Variants in TFCP2L1 observed in about 807,000 individuals in gnomAD.
TFCP2L1 encodes the protein transcription factor CP2-like protein 1.
TFCP2L1 carries 12 observed loss-of-function variants against 72.2 expected under a neutral mutation model. The ratio of observed to expected loss-of-function variants is 0.17; its 90% CI spans 0.11 to 0.27. TFCP2L1 has a LOEUF of 0.27. TFCP2L1 is among the 10% of genes least tolerant of loss of function. TFCP2L1 has a pLI of 1.00. For synonymous variants in TFCP2L1, 260 were observed against 251.0 expected, an observed-to-expected ratio of 1.04 and a Z score of -0.34; for missense variants, 488 against 624.6, an observed-to-expected ratio of 0.78 and a Z score of 2.33.
intron 13 of TFCP2L1, among the ~76,000 whole-genome samples, chr2:121,227,257 T>C (rs780892009): frequency 1.4e-4 from 22 of 152,266 alleles, no homozygotes; most frequent in Non-Finnish European, 2.9e-4. Flanking sequence ...GGGCTTCTAA[T>C]GTAACATTCT....
chr2:121,250,032 A>G (rs1220391426), intron 2 of TFCP2L1, among the ~76,000 whole-genome samples: 1 of 152,098 alleles, frequency 6.6e-6, no homozygotes, highest in Non-Finnish European at 1.5e-5. Context: ...ATTACAGGGT[A>G]AATAACCAAC....
At chr2:121,238,039 T>C (rs141227222) in intron 8 of TFCP2L1, among the ~76,000 whole-genome samples, 189 bp from the exon 9 acceptor site, 242 of 152,282 alleles carry the variant, frequency 1.6e-3, no homozygotes, top group African/African-American at 5.4e-3. Flanking sequence ...TCAAAATCCC[T>C]AACTGAGCCT....
chr2:121,254,075 C>T (rs972604400), intron 2 of TFCP2L1, among the ~76,000 whole-genome samples: 11 of 152,172 alleles, frequency 7.2e-5, no homozygotes, highest in African/African-American at 2.7e-4. Flanking sequence ...CACTGCTGGG[C>T]GTGGGTGGAA....
chr2:121,243,409 C>T (rs1438667383), intron 6 of TFCP2L1, among the ~76,000 whole-genome samples: 1 of 152,222 alleles, frequency 6.6e-6, no homozygotes, highest in Admixed American at 6.5e-5. Context: ...TCTCTTACAG[C>T]AGTGGTCCTC....
intron 6 of TFCP2L1, 64 bp from the exon 7 acceptor site, chr2:121,242,533 C>T: frequency 3.3e-6 from 5 of 1,511,266 alleles, no homozygotes; most frequent in Non-Finnish European, 3.7e-6. Flanking sequence ...CCCAAGCCCT[C>T]TCCTGCTTCC....
Position 121,239,658 on chromosome 2 carries a change from G to C in TFCP2L1, c.769-9C>G. 6.2e-7 allele frequency: 1 copy of C among 1,613,260 alleles called. No individual in the cohort carries two copies. The highest frequency in any genetic ancestry group is 1.1e-5 in the South Asian group (1 of 90,988). ...TCGGGCCATGGAGAGCACTGCAGGA[G>C]AGAGCACAGGGCGAGCTGGGATCTG... On this transcript the variant is annotated splice_polypyrimidine_tract_variant and intron_variant, in intron 7 of 14. Transcript: ENST00000263707.
intron 10 of TFCP2L1, among the ~76,000 whole-genome samples, chr2:121,236,774 A>G (rs189472808): frequency 3.9e-5 from 6 of 152,194 alleles, no homozygotes; most frequent in Non-Finnish European, 7.4e-5. Context: ...AGGTGCCCAC[A>G]TGGTGGCTGA....
Position 121,219,475 on chromosome 2 carries a change from C to T in TFCP2L1, c.*4866G>A, listed in dbSNP as rs1573348101. 1 of 152,238 alleles carries T rather than the reference C, an allele frequency of 6.6e-6. No homozygotes were observed. Among genetic ancestry groups the T allele is most frequent in the South Asian group, 2.1e-4 (1 of 4,828 alleles). 9.4% of individuals were successfully genotyped at this position (152,238 alleles called of 1,614,324 possible). Reference sequence around the variant, plus strand: ...TAAGTTTGCGGAGGAAGTAGTCAGCCCAGTTAGGAGCTAGGGCTGATTCCC... The same window carrying T: ...TAAGTTTGCGGAGGAAGTAGTCAGCTCAGTTAGGAGCTAGGGCTGATTCCC... On this transcript the variant is annotated 3_prime_UTR_variant, in exon 15 of 15. Coordinates refer to ENST00000263707, the MANE Select transcript of TFCP2L1 (RefSeq NM_014553.3).
At position 121,285,178 on chromosome 2, in the gene TFCP2L1, A is replaced by C. The variant is rs569290100; in HGVS notation, c.-69T>G. The stretch of plus-strand genomic sequence containing the variant: ...CAGACGCGGGGCGCGCCGAGGACCC[A>C]GCGGCGGCTTCGCGCTCCGAACCCG... On this transcript the variant is annotated 5_prime_UTR_variant, in exon 1 of 15. Coordinates refer to ENST00000263707, the MANE Select transcript of TFCP2L1 (RefSeq NM_014553.3). 3 of 1,314,888 alleles carry C rather than the reference A, an allele frequency of 2.3e-6. No homozygotes were observed. The highest frequency in any genetic ancestry group is 4.0e-5 in the Admixed American group (1 of 25,264). 81.5% of individuals were successfully genotyped at this position (1,314,888 alleles called of 1,614,324 possible). A position where few individuals can be genotyped will look rare whatever the true frequency, so the allele number is the denominator to read the frequency against.
intron 13 of TFCP2L1, among the ~76,000 whole-genome samples, chr2:121,227,689 A>G (rs1032952100): frequency 5.4e-5 from 8 of 148,684 alleles, no homozygotes; most frequent in Non-Finnish European, 1.0e-4. Context: ...TCCAAATAAA[A>G]TAAAATAAAA....
intron 2 of TFCP2L1, among the ~76,000 whole-genome samples, chr2:121,274,162 C>A (rs939406558): frequency 2.0e-5 from 3 of 150,852 alleles, no homozygotes; most frequent in Non-Finnish European, 4.4e-5. Flanking sequence ...GAAGAATAAG[C>A]TACTTAAATG....
At chr2:121,224,493 A>C in intron 14 of TFCP2L1, 106 bp from the exon 15 acceptor site, 5 of 1,113,276 alleles carry the variant, frequency 4.5e-6, no homozygotes, top group Non-Finnish European at 6.7e-6. Context: ...AAAGACCACC[A>C]AAATAGGGCT....
intron 2 of TFCP2L1, among the ~76,000 whole-genome samples, chr2:121,263,629 T>TGG (rs1321705853): frequency 2.0e-5 from 3 of 152,208 alleles, no homozygotes; most frequent in Admixed American, 2.0e-4. Flanking sequence ...ATGCCAAGTG[T>TGG]GGAGACAGGT....
intron 2 of TFCP2L1, among the ~76,000 whole-genome samples, chr2:121,274,241 T>C (rs905849903): frequency 2.6e-5 from 4 of 152,168 alleles, no homozygotes; most frequent in African/African-American, 9.7e-5. Context: ...TGCCTATTTT[T>C]AGATTTTCTA....
intron 13 of TFCP2L1, among the ~76,000 whole-genome samples, chr2:121,230,400 G>C (rs2104664378): frequency 6.6e-6 from 1 of 152,208 alleles, no homozygotes; most frequent in Middle Eastern, 3.4e-3. Flanking sequence ...TCAAACTTCT[G>C]ACCTCAGGTG....
intron 2 of TFCP2L1, among the ~76,000 whole-genome samples, chr2:121,251,413 T>C (rs555601594): frequency 1.4e-4 from 22 of 152,230 alleles, no homozygotes; most frequent in Non-Finnish European, 3.1e-4. Context: ...TCTGTAGGCT[T>C]GTATGTGTAT....
At chr2:121,267,468 G>A (rs1686953540) in intron 2 of TFCP2L1, among the ~76,000 whole-genome samples, 1 of 151,730 alleles carries the variant, frequency 6.6e-6, no homozygotes, top group African/African-American at 2.4e-5. Flanking sequence ...AGTTTGACAC[G>A]ACCATGTAGA....
At chr2:121,235,399 G>A in intron 10 of TFCP2L1, 88 bp from the exon 11 acceptor site, 1 of 1,276,928 alleles carries the variant, frequency 7.8e-7, no homozygotes, top group Non-Finnish European at 1.1e-6. Flanking sequence ...CATAGCACTG[G>A]GGGTGGGGGG....
intron 11 of TFCP2L1, among the ~76,000 whole-genome samples, chr2:121,234,792 T>C (rs1573362003): frequency 6.6e-6 from 1 of 152,244 alleles, no homozygotes; most frequent in Middle Eastern, 3.2e-3. Context: ...CAGGAAGGTG[T>C]GCAGGACGGC....
Sources: gnomAD v4.1 joint callset for allele counts (sites outside exome capture counted in the v4.1 genomes callset) on GRCh38, gnomAD v4.1.1 for gene constraint, MANE v1.5 for transcripts, NCBI Gene and HGNC (gene_info 2026-07-23, HGNC 2026-07-21) for gene names.